Variants in NPAS2 observed in about 807,000 individuals in gnomAD.
NPAS2 encodes neuronal PAS domain-containing protein 2.
In NPAS2, 23 loss-of-function variants were observed where a neutral mutation model predicts 107.5. That is an observed-to-expected ratio of 0.21 (90% CI 0.15 to 0.30). The LOEUF is 0.30. Ranked by LOEUF, NPAS2 falls within the 10% of genes least tolerant of loss-of-function variation. NPAS2 has a pLI of 1.00. For missense variants in NPAS2, 756 were observed against 1,043.3 expected (o/e 0.72, Z 3.79); for synonymous variants, 403 against 417.5 (o/e 0.97, Z 0.42).
At chr2:100,823,344 T>C (rs1183669873) in intron 1 of NPAS2, among the ~76,000 whole-genome samples, 2 of 152,172 alleles carry the variant, frequency 1.3e-5, no homozygotes, top group African/African-American at 4.8e-5. Context: ...CCTTGGCATT[T>C]TAAGCAAAGT....
At chr2:100,905,270 C>T (rs1275808826) in intron 2 of NPAS2, among the ~76,000 whole-genome samples, 1 of 152,064 alleles carries the variant, frequency 6.6e-6, no homozygotes, top group Non-Finnish European at 1.5e-5. Context: ...CATAGATTAG[C>T]TCAGTTTCCT....
Position 100,949,433 on chromosome 2 carries a change from C to G in NPAS2, c.551C>G (p.Thr184Ser), listed in dbSNP as rs1390750055. Residue 184 changes from threonine (T) to serine (S), a missense_variant, in exon 7 of 21, where the codon ACT becomes AGT. By Grantham distance (58) the Thr-to-Ser change is moderately conservative. Around this residue, in one of 4 missense-constraint regions of NPAS2, gnomAD observed 146 missense variants for 249.6 expected, o/e 0.58. Transcript: ENST00000335681. ...AGCTTGAACCCAAAGGAATTTCCAA[C>G]TTATGAATACATAAAATTTGTAGGA... Reference protein sequence around the residue: ...RGSLNPKEFPTYEYIKFVGNF... With the variant: ...RGSLNPKEFPSYEYIKFVGNF... 6.2e-7 allele frequency: 1 copy of G among 1,612,880 alleles called. No individual in the cohort carries two copies.
At chr2:100,959,089 CA>C (rs758460503) in intron 7 of NPAS2, among the ~76,000 whole-genome samples, 56 of 47,700 alleles carry the variant, frequency 1.2e-3, no homozygotes, top group South Asian at 1.7e-3. Flanking sequence ...CCCATCTCTT[CA>C]AAAAAAAAAA....
chr2:100,881,340 A>G (rs1287608049), intron 1 of NPAS2, among the ~76,000 whole-genome samples: 1 of 152,198 alleles, frequency 6.6e-6, no homozygotes, highest in Non-Finnish European at 1.5e-5. Context: ...CCCAGTCAGA[A>G]TCCATACTTT....
At chr2:100,827,839 C>T (rs1558784621) in intron 1 of NPAS2, among the ~76,000 whole-genome samples, 2 of 151,988 alleles carry the variant, frequency 1.3e-5, no homozygotes, top group Non-Finnish European at 1.5e-5. Flanking sequence ...CATGGAATCA[C>T]GATTGCTATT....
At chr2:100,878,457 T>G in intron 1 of NPAS2, 1 of 985,400 alleles carries the variant, frequency 1.0e-6, no homozygotes, top group Non-Finnish European at 1.2e-6. Context: ...AGCAACAAGC[T>G]GGAGAATAGC....
intron 3 of NPAS2, among the ~76,000 whole-genome samples, chr2:100,929,079 A>AT (rs1016880987): frequency 4.5e-4 from 69 of 152,094 alleles, no homozygotes; most frequent in Non-Finnish European, 3.4e-4. Context: ...AATTTTTTGT[A>AT]TTTTTAGTGA....
At chr2:100,826,442 A>G (rs1018494275) in intron 1 of NPAS2, among the ~76,000 whole-genome samples, 3 of 152,230 alleles carry the variant, frequency 2.0e-5, no homozygotes, top group Admixed American at 2.0e-4. Flanking sequence ...CTTTGTCTCA[A>G]AAAAATAAAA....
chr2:100,874,760 T>C (rs1679848719), intron 1 of NPAS2, among the ~76,000 whole-genome samples: 1 of 151,758 alleles, frequency 6.6e-6, no homozygotes, highest in African/African-American at 2.4e-5. Context: ...AAGATAAAAA[T>C]GAAGTAAACA....
intron 1 of NPAS2, among the ~76,000 whole-genome samples, chr2:100,821,958 AAAAT>A (rs1425534302): frequency 1.3e-5 from 2 of 152,250 alleles, no homozygotes; most frequent in Non-Finnish European, 2.9e-5. Context: ...TATTTAGTTA[AAAAT>A]AAAGTGTGCA....
chr2:100,927,089 C>A (rs2104907721), intron 3 of NPAS2, among the ~76,000 whole-genome samples: 1 of 151,996 alleles, frequency 6.6e-6, no homozygotes, highest in South Asian at 2.1e-4. Flanking sequence ...GAGGTGCCAC[C>A]ACACCCGGCT....
At position 100,855,643 on chromosome 2, in the gene NPAS2, T is replaced by C. The variant is rs369518545; in HGVS notation, c.-23+35229T>C. The stretch of plus-strand genomic sequence containing the variant: ...TTTGCCCTCTTGTTGCTCTCATGTT[T>C]ATCTCCCTCCATTCAGCCTTCTGTC... On this transcript the variant is annotated intron_variant, in intron 1 of 20. Coordinates refer to ENST00000335681, the MANE Select transcript of NPAS2 (RefSeq NM_002518.4). 9.8e-5 allele frequency among the ~76,000 whole-genome samples: 15 copies of C among 152,346 alleles called. No homozygotes were observed. The South Asian group carries it at 2.5e-3, about 25-fold the overall frequency.
intron 1 of NPAS2, among the ~76,000 whole-genome samples, chr2:100,899,987 C>T (rs1681667715): frequency 6.6e-6 from 1 of 152,124 alleles, no homozygotes; most frequent in Non-Finnish European, 1.5e-5. Flanking sequence ...AATGTGAAAG[C>T]TAAGTGATGA....
At chr2:100,955,078 A>G (rs1443871216) in intron 7 of NPAS2, among the ~76,000 whole-genome samples, 1 of 152,074 alleles carries the variant, frequency 6.6e-6, no homozygotes, top group East Asian at 1.9e-4. Flanking sequence ...GGGTTTCGTC[A>G]TGTTTGCCAG....
chr2:100,854,897 C>G (rs1678460954), intron 1 of NPAS2, among the ~76,000 whole-genome samples: 2 of 152,172 alleles, frequency 1.3e-5, no homozygotes, highest in Non-Finnish European at 2.9e-5. Flanking sequence ...GTGCTGGACC[C>G]TGAAACGCTG....
chr2:100,983,368 T>C (rs1677582241), intron 16 of NPAS2: 1 of 152,296 alleles, frequency 6.6e-6, no homozygotes, highest in Non-Finnish European at 1.5e-5. Flanking sequence ...TAATACACAG[T>C]GGTGCAGGTG....
chr2:100,911,149 G>A (rs999612295), intron 2 of NPAS2, among the ~76,000 whole-genome samples: 3 of 152,158 alleles, frequency 2.0e-5, no homozygotes, highest in African/African-American at 7.2e-5. Flanking sequence ...TGCTAAGACT[G>A]CAATTAGCAA....
At chr2:100,856,574 A>C (rs1240344751) in intron 1 of NPAS2, among the ~76,000 whole-genome samples, 1 of 152,204 alleles carries the variant, frequency 6.6e-6, no homozygotes, top group Non-Finnish European at 1.5e-5. Flanking sequence ...ATTTTTCAAA[A>C]TTTGATGTTT....
At chr2:100,873,309 C>T (rs200334121) in intron 1 of NPAS2, among the ~76,000 whole-genome samples, 214 of 35,194 alleles carry the variant, frequency 6.1e-3, no homozygotes, top group Admixed American at 7.4e-3. Flanking sequence ...TATATATATA[C>T]ACACACACAC....
Sources: allele counts gnomAD v4.1 joint callset (sites outside exome capture counted in the v4.1 genomes callset), GRCh38; gene constraint gnomAD v4.1.1; regional missense constraint gnomAD v4.1.1; transcripts MANE v1.5; gene names NCBI Gene and HGNC (gene_info 2026-07-23, HGNC 2026-07-21).